The following COL14A1 variants were observed in gnomAD, a reference collection of about 807,000 sequenced individuals.
COL14A1 encodes the protein collagen alpha-1(XIV) chain.
In COL14A1, 136 loss-of-function variants were observed where a neutral mutation model predicts 230.3. That is an observed-to-expected ratio of 0.59 (90% CI 0.51 to 0.68). The LOEUF is 0.68. COL14A1 is among the 30% of genes least tolerant of loss of function. COL14A1 has a pLI of 0.00. For missense variants in COL14A1, 1,976 were observed against 2,215.8 expected (o/e 0.89, Z 2.17); for synonymous variants, 792 against 784.1 (o/e 1.01, Z -0.17).
intron 31 of COL14A1, among the ~76,000 whole-genome samples, chr8:120,281,588 T>A (rs1017271216): frequency 1.1e-4 from 17 of 148,632 alleles, no homozygotes; most frequent in African/African-American, 3.7e-4. Flanking sequence ...AAAAAGTTGA[T>A]ACTTATATAG....
At chr8:120,150,554 C>A (rs998174967) in intron 2 of COL14A1, among the ~76,000 whole-genome samples, 1 of 152,146 alleles carries the variant, frequency 6.6e-6, no homozygotes, top group African/African-American at 2.4e-5. Context: ...ACCCCTGTGT[C>A]ATTACTGCTT....
chr8:120,128,224 C>CGTGTGT (rs1390324318), intron 1 of COL14A1, among the ~76,000 whole-genome samples: 2 of 97,776 alleles, frequency 2.0e-5, no homozygotes, highest in African/African-American at 9.0e-5. Context: ...TGTGTGTGCG[C>CGTGTGT]GCGCGTGTGT....
chr8:120,199,631 G>A, intron 8 of COL14A1, 65 bp downstream of exon 8: 2 of 1,507,140 alleles, frequency 1.3e-6, no homozygotes, highest in Non-Finnish European at 1.8e-6. Flanking sequence ...AAAACAATAT[G>A]TAATGTGAAA....
At chr8:120,188,686 T>C (rs1218233958) in intron 5 of COL14A1, among the ~76,000 whole-genome samples, 1 of 152,236 alleles carries the variant, frequency 6.6e-6, no homozygotes, top group Non-Finnish European at 1.5e-5. Context: ...AGTTAAGAGC[T>C]GAATTAAAAC....
intron 1 of COL14A1, among the ~76,000 whole-genome samples, chr8:120,125,998 G>A (rs1814321697): frequency 6.6e-6 from 1 of 152,184 alleles, no homozygotes; most frequent in East Asian, 1.9e-4. Context: ...TGCTTCGTGC[G>A]TTTTGCTTTG....
intron 40 of COL14A1, among the ~76,000 whole-genome samples, chr8:120,331,036 G>C (rs36071361): frequency 0.14 from 21,870 of 151,216 alleles, 1,997 homozygotes; most frequent in Non-Finnish European, 0.21. Flanking sequence ...ACCTGGGAGG[G>C]GGAAGTTGCG....
intron 40 of COL14A1, among the ~76,000 whole-genome samples, 164 bp from the exon 41 acceptor site, chr8:120,331,976 CT>C (rs934922673): frequency 2.0e-4 from 31 of 152,158 alleles, no homozygotes; most frequent in African/African-American, 7.2e-4. Context: ...GTCACAAAAC[CT>C]TGCCAAAAAC....
chr8:120,245,404 A>G (rs1818731974), intron 20 of COL14A1, among the ~76,000 whole-genome samples: 1 of 152,194 alleles, frequency 6.6e-6, no homozygotes, highest in Admixed American at 6.5e-5. Context: ...GCGTCATGCA[A>G]CGCTTATTTA....
chr8:120,158,765 G>A (rs1815563436), intron 3 of COL14A1, among the ~76,000 whole-genome samples: 1 of 152,036 alleles, frequency 6.6e-6, no homozygotes, highest in Admixed American at 6.6e-5. Context: ...ATACTTAAAT[G>A]ATGCTTAAAG....
chr8:120,194,642 A>G (rs1440757040), intron 5 of COL14A1, among the ~76,000 whole-genome samples: 1 of 152,192 alleles, frequency 6.6e-6, no homozygotes, highest in Non-Finnish European at 1.5e-5. Context: ...TATTTTTTAA[A>G]CCAGAAAATA....
chr8:120,251,406 G>T (rs1331187443), intron 22 of COL14A1, among the ~76,000 whole-genome samples: 1 of 152,138 alleles, frequency 6.6e-6, no homozygotes, highest in African/African-American at 2.4e-5. Flanking sequence ...TCTCAGAGGG[G>T]TCACTCCACC....
chr8:120,180,504 C>T (rs778770536), intron 5 of COL14A1, among the ~76,000 whole-genome samples: 8 of 152,150 alleles, frequency 5.3e-5, no homozygotes, highest in Admixed American at 1.3e-4. Flanking sequence ...GCTCATGTAA[C>T]TGAAGTATGG....
intron 33 of COL14A1, among the ~76,000 whole-genome samples, chr8:120,289,134 C>T (rs920540646): frequency 3.3e-5 from 5 of 152,126 alleles, no homozygotes; most frequent in Non-Finnish European, 7.4e-5. Context: ...CCTTCTTCCC[C>T]CTCAGATTCT....
intron 43 of COL14A1, among the ~76,000 whole-genome samples, chr8:120,341,593 G>A (rs1822300460): frequency 6.6e-6 from 1 of 152,138 alleles, no homozygotes; most frequent in Non-Finnish European, 1.5e-5. Context: ...TACCATCCAG[G>A]TCAATGAACT....
chr8:120,226,631 A>C lies in COL14A1; in HGVS notation c.1869A>C (p.Glu623Asp). 6.2e-7 allele frequency: 1 copy of C among 1,612,328 alleles called. No individual in the cohort carries two copies. The highest frequency in any genetic ancestry group is 8.5e-7 in the Non-Finnish European group (1 of 1,178,928). ...ACCTCCTTCCTCGGTTTACAGAGGA[A>C]GTTCCAGCCCAGCAATACTTAGAAA... is the stretch of plus-strand genomic sequence containing the variant. Reference protein sequence around the residue: ...EPLTGVFTTEEVPAQQYLEID... With the variant: ...EPLTGVFTTEDVPAQQYLEID... Residue 623 changes from glutamate to aspartate, a missense_variant, in exon 16 of 48, where the codon GAA (glutamate) becomes GAC (aspartate). By Grantham distance (45) the Glu-to-Asp change is conservative. Coordinates refer to ENST00000297848, the MANE Select transcript of COL14A1 (RefSeq NM_021110.4).
chr8:120,206,891 A>T (rs887518029), intron 9 of COL14A1, 52 bp from the exon 10 acceptor site: 14 of 1,518,056 alleles, frequency 9.2e-6, no homozygotes, highest in African/African-American at 1.4e-5. Context: ...TCTTAGCTTC[A>T]TAAGAAATAA....
Position 120,197,795 on chromosome 8 carries a change from T to C in COL14A1, c.593-16T>C, listed in dbSNP as rs1817089435. On this transcript the variant is annotated splice_polypyrimidine_tract_variant and intron_variant, in intron 6 of 47. Coordinates refer to ENST00000297848, the MANE Select transcript of COL14A1 (RefSeq NM_021110.4). ...AACCCATTATTCCTGGTGCGTTTCC[T>C]AATCTTTTTTTCCAGGTCTTGCACA... The C allele has an allele frequency of 6.3e-7, 1 of 1,598,278 alleles. No individual in the cohort carries two copies. The highest frequency in any genetic ancestry group is 1.7e-5 in the Admixed American group (1 of 59,618).
At chr8:120,288,085 G>C (rs1229428185) in intron 33 of COL14A1, among the ~76,000 whole-genome samples, 1 of 151,620 alleles carries the variant, frequency 6.6e-6, no homozygotes, top group African/African-American at 2.4e-5. Context: ...CTTAAGGCAG[G>C]GGTACTAGAA....
chr8:120,279,704 G>A lies in COL14A1; in HGVS notation c.3482-231G>A, dbSNP rs1322245857. ...GTCTCAGGCACAATTTGGGGCCTTG[G>A]TCTTCTTGGGTTTCTTTAAAATGGA... On this transcript the variant is annotated intron_variant, in intron 28 of 47. Transcript: ENST00000297848. Among the ~76,000 whole-genome samples, 8 of 152,120 alleles carry A rather than the reference G, an allele frequency of 5.3e-5. 1 individual carries two copies. Among genetic ancestry groups the A allele is most frequent in the African/African-American group, 1.9e-4 (8 of 41,424 alleles).
Sources: gnomAD v4.1 joint callset for allele counts (sites outside exome capture counted in the v4.1 genomes callset) on GRCh38, gnomAD v4.1.1 for gene constraint, MANE v1.5 for transcripts, NCBI Gene and HGNC (gene_info 2026-07-23, HGNC 2026-07-21) for gene names.